RABGAP1L: variants seen among roughly 807,000 people sequenced by gnomAD.
The protein encoded by RABGAP1L is rab GTPase-activating protein 1-like.
A neutral mutation model predicts 137.7 loss-of-function variants in RABGAP1L; 63 were observed. That is an observed-to-expected ratio of 0.46 (90% CI 0.37 to 0.56). The LOEUF is 0.56. Among genes scored for constraint, RABGAP1L ranks in the 20% least tolerant of loss-of-function variants. The probability of loss-of-function intolerance (pLI) is 0.00; values close to 1 mark genes in which losing one functional copy is unlikely to be tolerated. For missense variants in RABGAP1L, 1,095 were observed against 1,244.0 expected, an observed-to-expected ratio of 0.88 and a Z score of 1.80; for synonymous variants, 431 against 433.7, an observed-to-expected ratio of 0.99 and a Z score of 0.08.
At chr1:174,903,824 C>T (rs1658545032) in intron 19 of RABGAP1L, among the ~76,000 whole-genome samples, 1 of 152,040 alleles carries the variant, frequency 6.6e-6, no homozygotes, top group South Asian at 2.1e-4. Context: ...GTAGCGCATG[C>T]TTGTAATCCC....
intron 1 of RABGAP1L, among the ~76,000 whole-genome samples, chr1:174,200,877 G>T (rs1320664188): frequency 6.6e-6 from 1 of 152,018 alleles, no homozygotes; most frequent in African/African-American, 2.4e-5. Flanking sequence ...TTTGAAAAAA[G>T]ATGAAAAACT....
intron 18 of RABGAP1L, among the ~76,000 whole-genome samples, chr1:174,763,608 G>T (rs1373942363): frequency 8.4e-5 from 10 of 119,600 alleles, no homozygotes; most frequent in African/African-American, 3.2e-4. Flanking sequence ...CCAAGATCGC[G>T]CCACTGCACT....
chr1:174,663,110 G>C (rs1386979704), intron 14 of RABGAP1L, among the ~76,000 whole-genome samples: 2 of 152,002 alleles, frequency 1.3e-5, no homozygotes, highest in Non-Finnish European at 2.9e-5. Flanking sequence ...ATTTATAAAG[G>C]CTGCATTAGT....
intron 11 of RABGAP1L, among the ~76,000 whole-genome samples, chr1:174,316,760 CA>C (rs993152211): frequency 4.6e-5 from 7 of 152,096 alleles, no homozygotes; most frequent in African/African-American, 1.7e-4. Context: ...CCTCAGACCC[CA>C]GGGTTGGAGG....
intron 13 of RABGAP1L, among the ~76,000 whole-genome samples, chr1:174,420,743 C>T (rs1254364626): frequency 2.0e-5 from 3 of 149,386 alleles, no homozygotes; most frequent in African/African-American, 5.0e-5. Flanking sequence ...GGCGTAAGCT[C>T]GGCTCACTGC....
At chr1:174,181,538 C>T (rs971629727) in intron 1 of RABGAP1L, among the ~76,000 whole-genome samples, 4 of 151,990 alleles carry the variant, frequency 2.6e-5, no homozygotes, top group Non-Finnish European at 4.4e-5. Context: ...GGGGTTTCAC[C>T]GTGTTAGCCA....
chr1:174,590,205 T>A (rs1669479047), intron 13 of RABGAP1L, among the ~76,000 whole-genome samples: 2 of 147,370 alleles, frequency 1.4e-5, no homozygotes, highest in Non-Finnish European at 3.0e-5. Context: ...AGGTGTTCCT[T>A]TACAGCAATT....
rs866504430 is a variant in RABGAP1L at position 174,319,021 on chromosome 1, G to A, written c.1465+13894G>A. Among the ~76,000 whole-genome samples, 67 of 151,994 alleles carry A rather than the reference G, an allele frequency of 4.4e-4. 1 individual carries two copies. The highest frequency in any genetic ancestry group is 1.9e-3 in the Admixed American group (29 of 15,274). ...AAGTGATTTACATACTGCCATTACAGTATTGCATATTTTGTATATTTTACA... is the reference window on the plus strand; with the variant it reads ...AAGTGATTTACATACTGCCATTACAATATTGCATATTTTGTATATTTTACA... On this transcript the variant is annotated intron_variant, in intron 11 of 25. Coordinates refer to ENST00000681986, the MANE Select transcript of RABGAP1L (RefSeq NM_001366446.1).
Position 174,637,463 on chromosome 1 carries a change from A to G in RABGAP1L, c.1799A>G (p.Gln600Arg). 6 of 1,608,820 alleles carry G rather than the reference A, an allele frequency of 3.7e-6. No homozygotes were observed. Among genetic ancestry groups the G allele is most frequent in the Non-Finnish European group, 5.1e-6 (6 of 1,175,194 alleles). Residue 600 changes from glutamine (Q) to arginine (R), a missense_variant, in exon 14 of 26, where the codon CAA (glutamine) becomes CGA (arginine). Gln to Arg is a conservative substitution (Grantham distance 43). Around this residue, in one of 4 missense-constraint regions of RABGAP1L, gnomAD observed 315 missense variants for 324.8 expected, o/e 0.97. Transcript: ENST00000681986. ...TTTAAAGATACTGGAGGAGATGGTC[A>G]AGAATCGCTCTATAAGATCTGCAAG... is the stretch of plus-strand genomic sequence containing the variant. ...DYFKDTGGDGQESLYKICKAY... is the reference protein window; with the variant it reads ...DYFKDTGGDGRESLYKICKAY...
chr1:174,355,247 A>G lies in RABGAP1L; in HGVS notation c.1466-15732A>G, dbSNP rs183210094. Among the ~76,000 whole-genome samples, 1,091 of 152,250 alleles carry G rather than the reference A, an allele frequency of 7.2e-3. 11 individuals are homozygous for G. The highest frequency in any genetic ancestry group is 0.012 in the Non-Finnish European group (792 of 68,008). On this transcript the variant is annotated intron_variant, in intron 11 of 25. Coordinates refer to ENST00000681986, the MANE Select transcript of RABGAP1L (RefSeq NM_001366446.1). ...AACCGCTATAGACTGGATTAAGAAA[A>G]TGTGGCACATATACACCATGGAATA...
At chr1:174,501,141 A>G (rs1661230513) in intron 13 of RABGAP1L, among the ~76,000 whole-genome samples, 1 of 152,118 alleles carries the variant, frequency 6.6e-6, no homozygotes, top group African/African-American at 2.4e-5. Flanking sequence ...AAGCTTGGGA[A>G]AGACACAGAA....
chr1:174,264,256 C>A (rs1382456628), intron 7 of RABGAP1L, among the ~76,000 whole-genome samples: 2 of 151,770 alleles, frequency 1.3e-5, no homozygotes, highest in Admixed American at 6.6e-5. Context: ...TGAATTATTT[C>A]ATTATTCCAC....
intron 11 of RABGAP1L, among the ~76,000 whole-genome samples, chr1:174,314,899 T>C (rs1679225042): frequency 6.6e-6 from 1 of 152,218 alleles, no homozygotes; most frequent in South Asian, 2.1e-4. Flanking sequence ...AAACTTATTT[T>C]GTGACCTAAA....
At chr1:174,169,087 TA>T (rs1665141048) in intron 1 of RABGAP1L, among the ~76,000 whole-genome samples, 1 of 152,374 alleles carries the variant, frequency 6.6e-6, no homozygotes, top group Admixed American at 6.5e-5. Flanking sequence ...CCTCTTAAGT[TA>T]AAAAACATTC....
chr1:174,812,592 T>C (rs1008737337), intron 19 of RABGAP1L, among the ~76,000 whole-genome samples: 1 of 152,200 alleles, frequency 6.6e-6, no homozygotes, highest in Admixed American at 6.5e-5. Context: ...TACCTAACCA[T>C]AACGTAAATA....
At chr1:174,189,726 T>C (rs1221051620) in intron 1 of RABGAP1L, among the ~76,000 whole-genome samples, 2 of 152,180 alleles carry the variant, frequency 1.3e-5, no homozygotes, top group Non-Finnish European at 2.9e-5. Flanking sequence ...CCTTGTACTT[T>C]GGGAGGCCAA....
At chr1:174,981,330 T>C (rs1429692734) in intron 23 of RABGAP1L, among the ~76,000 whole-genome samples, 2 of 152,150 alleles carry the variant, frequency 1.3e-5, no homozygotes, top group African/African-American at 4.8e-5. Flanking sequence ...CTTTTTAACA[T>C]CAGTCAATAC....
At chr1:174,243,198 G>T (rs938305146) in intron 5 of RABGAP1L, 1 of 152,306 alleles carries the variant, frequency 6.6e-6, no homozygotes, top group Non-Finnish European at 1.5e-5. Context: ...CTGTCTTTTG[G>T]ATTGTAGCAT....
At chr1:174,514,740 C>T (rs1662660500) in intron 13 of RABGAP1L, among the ~76,000 whole-genome samples, 1 of 152,086 alleles carries the variant, frequency 6.6e-6, no homozygotes, top group Admixed American at 6.6e-5. Flanking sequence ...TCAATTGCAC[C>T]ACACTCTTTT....
Sources: gnomAD v4.1 joint callset for allele counts (sites outside exome capture counted in the v4.1 genomes callset) on GRCh38, gnomAD v4.1.1 for gene constraint, gnomAD v4.1.1 regional missense constraint, MANE v1.5 for transcripts, NCBI Gene and HGNC (gene_info 2026-07-23, HGNC 2026-07-21) for gene names.